The following MAF variants were observed in gnomAD, a reference collection of about 807,000 sequenced individuals.
The protein encoded by MAF is transcription factor Maf.
A neutral mutation model predicts 22.0 loss-of-function variants in MAF; 10 were observed. The ratio of observed to expected loss-of-function variants is 0.45; its 90% CI spans 0.28 to 0.77. MAF has a LOEUF of 0.77. Ranked by LOEUF, MAF falls within the 30% of genes least tolerant of loss-of-function variation. The pLI, the probability that MAF is intolerant of heterozygous loss-of-function variation, is 0.12. For missense variants in MAF, 544 were observed against 548.4 expected (o/e 0.99, Z 0.08); for synonymous variants, 337 against 255.8 (o/e 1.32, Z -3.03).
chr16:79,305,035 C>T, the MAF span, among the ~76,000 whole-genome samples: 1 of 152,200 alleles, frequency 6.6e-6, no homozygotes, highest in Non-Finnish European at 1.5e-5. Context: ...AGGTTCTCAA[C>T]TCTGGTACAA....
At chr16:79,214,352 T>G in the MAF span, among the ~76,000 whole-genome samples, 2 of 152,126 alleles carry the variant, frequency 1.3e-5, no homozygotes, top group Non-Finnish European at 2.9e-5. Context: ...TGATTCTGGG[T>G]GACTAGGCTT....
chr16:79,302,093 A>G, the MAF span, among the ~76,000 whole-genome samples: 1,167 of 152,312 alleles, frequency 7.7e-3, 15 homozygotes, highest in African/African-American at 0.027. Flanking sequence ...CAGTGCCACT[A>G]GGACACGCCT....
the MAF span, among the ~76,000 whole-genome samples, chr16:79,242,975 A>C: frequency 6.6e-6 from 1 of 152,072 alleles, no homozygotes; most frequent in African/African-American, 2.4e-5. Context: ...AAATGAAGGC[A>C]GAAATAAAGA....
At chr16:79,229,957 T>C in the MAF span, among the ~76,000 whole-genome samples, 1 of 151,916 alleles carries the variant, frequency 6.6e-6, no homozygotes, top group African/African-American at 2.4e-5. Context: ...CCCCGCCATC[T>C]AATCAAAAGG....
the MAF span, among the ~76,000 whole-genome samples, chr16:79,571,377 G>T: frequency 6.6e-6 from 1 of 151,624 alleles, no homozygotes; most frequent in Non-Finnish European, 1.5e-5. Flanking sequence ...AAATAAAACC[G>T]GTATGAAAAC....
the MAF span, among the ~76,000 whole-genome samples, chr16:79,484,462 C>T: frequency 1.3e-5 from 2 of 152,186 alleles, no homozygotes; most frequent in Non-Finnish European, 1.5e-5. Context: ...ACACGTCCAC[C>T]GGGCAATCAC....
the MAF span, among the ~76,000 whole-genome samples, chr16:79,404,039 T>C: frequency 1.3e-5 from 2 of 152,188 alleles, no homozygotes; most frequent in Non-Finnish European, 2.9e-5. Context: ...TAAAAACATT[T>C]AGAATTTGAA....
chr16:79,504,653 A>G, the MAF span, among the ~76,000 whole-genome samples: 4 of 152,010 alleles, frequency 2.6e-5, no homozygotes, highest in African/African-American at 9.7e-5. Flanking sequence ...AAATAAATGA[A>G]TGGATGAATG....
chr16:79,391,986 G>A, the MAF span, among the ~76,000 whole-genome samples: 12 of 149,750 alleles, frequency 8.0e-5, no homozygotes, highest in Admixed American at 4.7e-4. Context: ...AGGGAGAGGC[G>A]AGAGAGAAGG....
chr16:79,313,383 A>C, the MAF span, among the ~76,000 whole-genome samples: 1 of 152,088 alleles, frequency 6.6e-6, no homozygotes, highest in Non-Finnish European at 1.5e-5. Flanking sequence ...AAGCTGAAAA[A>C]CTAGACCCTC....
At chr16:79,430,843 A>C in the MAF span, among the ~76,000 whole-genome samples, 1 of 152,156 alleles carries the variant, frequency 6.6e-6, no homozygotes, top group Non-Finnish European at 1.5e-5. Context: ...TGGCCTCAGC[A>C]CCCTTTCTTT....
the MAF span, among the ~76,000 whole-genome samples, chr16:79,242,823 A>G: frequency 0.069 from 10,527 of 152,106 alleles, 554 homozygotes; most frequent in Middle Eastern, 0.14. Context: ...TCCTCAGCAA[A>G]TGCAAAATAA....
chr16:79,332,528 G>C, the MAF span, among the ~76,000 whole-genome samples: 23 of 152,312 alleles, frequency 1.5e-4, 1 homozygote, highest in African/African-American at 5.5e-4. Flanking sequence ...TCAAACTCCT[G>C]ACTTCAATGA....
chr16:79,423,704 C>G, the MAF span, among the ~76,000 whole-genome samples: 1 of 152,152 alleles, frequency 6.6e-6, no homozygotes, highest in Non-Finnish European at 1.5e-5. Flanking sequence ...CAAAAATACA[C>G]CAACTTCTGA....
chr16:79,327,973 C>A, the MAF span, among the ~76,000 whole-genome samples: 47 of 152,310 alleles, frequency 3.1e-4, no homozygotes, highest in African/African-American at 1.1e-3. Context: ...TTCCTTAATG[C>A]ATGATAACCT....
chr16:79,305,363 C>T, the MAF span, among the ~76,000 whole-genome samples: 1 of 152,200 alleles, frequency 6.6e-6, no homozygotes, highest in African/African-American at 2.4e-5. Context: ...TATTGCTGCT[C>T]CAGTCCCAAC....
the MAF span, among the ~76,000 whole-genome samples, chr16:79,436,170 C>T: frequency 6.6e-6 from 1 of 152,118 alleles, no homozygotes; most frequent in South Asian, 2.1e-4. Context: ...GCAACCTCTG[C>T]CTCCCAAGTT....
chr16:79,443,821 G>A, the MAF span, among the ~76,000 whole-genome samples: 1 of 152,054 alleles, frequency 6.6e-6, no homozygotes, highest in African/African-American at 2.4e-5. Context: ...ACCTCACAGG[G>A]TTGCTTGGAG....
the MAF span, among the ~76,000 whole-genome samples, chr16:79,343,252 A>C: frequency 6.7e-6 from 1 of 150,124 alleles, no homozygotes; most frequent in Non-Finnish European, 1.5e-5. Flanking sequence ...CCCCCCAAAA[A>C]AATCTATGTG....
Sources: allele counts gnomAD v4.1 joint callset (sites outside exome capture counted in the v4.1 genomes callset), GRCh38; gene constraint gnomAD v4.1.1; transcripts MANE v1.5; gene names NCBI Gene and HGNC (gene_info 2026-07-23, HGNC 2026-07-21).